Variants in RARB observed in about 807,000 individuals in gnomAD.
RARB encodes HBV-activated protein.
Under a neutral mutation model 51.9 loss-of-function variants are expected in RARB, and 17 were observed. The ratio of observed to expected loss-of-function variants is 0.33; its 90% CI spans 0.22 to 0.49. RARB has a LOEUF of 0.49. RARB is among the 20% of genes least tolerant of loss of function. RARB has a pLI of 0.99. For missense variants in RARB, 369 were observed against 550.8 expected, an observed-to-expected ratio of 0.67 and a Z score of 3.30; for synonymous variants, 215 against 195.4, an observed-to-expected ratio of 1.10 and a Z score of -0.84.
chr3:25,176,738 G>A (rs1034731685), intron 5 of RARB, among the ~76,000 whole-genome samples: 2 of 152,006 alleles, frequency 1.3e-5, no homozygotes, highest in African/African-American at 2.4e-5. Flanking sequence ...ATATTAAATG[G>A]AAAAATGGTT....
At chr3:24,914,517 TAAA>T (rs1288370220) in intron 2 of RARB, among the ~76,000 whole-genome samples, 1 of 152,152 alleles carries the variant, frequency 6.6e-6, no homozygotes, top group Non-Finnish European at 1.5e-5. Flanking sequence ...TCAGTATCCA[TAAA>T]GGACTGGTTC....
chr3:25,072,157 C>T (rs1034252673), intron 3 of RARB, among the ~76,000 whole-genome samples: 2 of 152,216 alleles, frequency 1.3e-5, no homozygotes, highest in Non-Finnish European at 2.9e-5. Context: ...TGCCTCAGTC[C>T]TCTCATTGCC....
At chr3:24,885,026 A>G (rs1193162551) in intron 2 of RARB, among the ~76,000 whole-genome samples, 1 of 152,164 alleles carries the variant, frequency 6.6e-6, no homozygotes, top group East Asian at 1.9e-4. Flanking sequence ...GAATATTAGA[A>G]GGACCTTGAC....
At chr3:25,036,752 G>A (rs906887922) in intron 2 of RARB, among the ~76,000 whole-genome samples, 28 of 152,068 alleles carry the variant, frequency 1.8e-4, no homozygotes, top group African/African-American at 6.5e-4. Flanking sequence ...ATGTCGAAAA[G>A]GCATCACTAC....
At chr3:25,060,598 A>G (rs1698528821) in intron 3 of RARB, among the ~76,000 whole-genome samples, 1 of 151,910 alleles carries the variant, frequency 6.6e-6, no homozygotes, top group Admixed American at 6.6e-5. Flanking sequence ...ATTTATAAAA[A>G]CAGGCAACAT....
chr3:25,310,698 T>A (rs1704267631), intron 5 of RARB, among the ~76,000 whole-genome samples: 1 of 152,180 alleles, frequency 6.6e-6, no homozygotes, highest in Non-Finnish European at 1.5e-5. Context: ...TTGTCTGGGC[T>A]ACCATTTTCT....
intron 2 of RARB, among the ~76,000 whole-genome samples, chr3:24,949,664 G>C (rs761372946): frequency 5.9e-5 from 9 of 152,150 alleles, no homozygotes; most frequent in Non-Finnish European, 1.0e-4. Flanking sequence ...ATTACTTCTT[G>C]AATCCTTCAA....
intron 3 of RARB, among the ~76,000 whole-genome samples, chr3:25,553,949 T>C (rs1699944662): frequency 6.6e-6 from 1 of 152,004 alleles, no homozygotes; most frequent in South Asian, 2.1e-4. Context: ...CTGGCTGACT[T>C]CCCACTCCCC....
intron 5 of RARB, among the ~76,000 whole-genome samples, chr3:25,248,930 T>C (rs1339539312): frequency 6.6e-6 from 1 of 152,168 alleles, no homozygotes; most frequent in African/African-American, 2.4e-5. Context: ...TTTTTAATTA[T>C]ATCTTTTTGA....
At chr3:25,315,308 G>T (rs192955257) in intron 5 of RARB, among the ~76,000 whole-genome samples, 13 of 152,160 alleles carry the variant, frequency 8.5e-5, no homozygotes, top group Non-Finnish European at 1.8e-4. Context: ...TACTTGAGAA[G>T]TATAATGCAG....
chr3:25,367,460 A>G (rs963648123), intron 5 of RARB, among the ~76,000 whole-genome samples: 2 of 152,096 alleles, frequency 1.3e-5, no homozygotes, highest in African/African-American at 2.4e-5. Context: ...TTAGGGTCCA[A>G]GCATATAGCA....
chr3:25,283,417 C>G (rs918002019), intron 5 of RARB, among the ~76,000 whole-genome samples: 4 of 152,198 alleles, frequency 2.6e-5, no homozygotes, highest in Non-Finnish European at 5.9e-5. Flanking sequence ...AAATGACTTC[C>G]TTCTCTATCT....
intron 5 of RARB, among the ~76,000 whole-genome samples, chr3:25,293,420 G>A (rs1425857066): frequency 6.6e-6 from 1 of 151,750 alleles, no homozygotes; most frequent in African/African-American, 2.4e-5. Context: ...GCCCTCAAAC[G>A]TTCATTGTTA....
At chr3:25,272,178 T>C (rs1415031963) in intron 5 of RARB, among the ~76,000 whole-genome samples, 1 of 152,230 alleles carries the variant, frequency 6.6e-6, no homozygotes, top group African/African-American at 2.4e-5. Context: ...GTTACACCTT[T>C]AAAAACTGAA....
At chr3:24,984,285 C>G (rs1001573799) in intron 2 of RARB, among the ~76,000 whole-genome samples, 3 of 152,150 alleles carry the variant, frequency 2.0e-5, no homozygotes, top group Non-Finnish European at 4.4e-5. Context: ...GCACATAAAA[C>G]TATATTAGAT....
At chr3:25,397,462 T>G (rs1258560778) in intron 5 of RARB, among the ~76,000 whole-genome samples, 1 of 152,218 alleles carries the variant, frequency 6.6e-6, no homozygotes, top group Non-Finnish European at 1.5e-5. Context: ...TCTGGTATGT[T>G]TCTGCAGTAG....
chr3:25,097,229 C>T (rs572224243), intron 3 of RARB, among the ~76,000 whole-genome samples: 4 of 152,206 alleles, frequency 2.6e-5, no homozygotes, highest in Admixed American at 6.5e-5. Context: ...TGCACTGGAC[C>T]GCTTCTTGGA....
rs187917510 is a variant in RARB at position 25,373,722 on chromosome 3, G to A, written c.179-87471G>A. Among the ~76,000 whole-genome samples the A allele has an allele frequency of 2.2e-3, 341 of 152,168 alleles. 2 individuals are homozygous for A. Among genetic ancestry groups the A allele is most frequent in the Non-Finnish European group, 3.2e-3 (218 of 67,984 alleles). ...AAACTCCCCTCTACTACCATGGCGGGGAATGGACCACAGAACCTCTCACAC... is the reference window on the plus strand; with the variant it reads ...AAACTCCCCTCTACTACCATGGCGGAGAATGGACCACAGAACCTCTCACAC... On this transcript the variant is annotated intron_variant, in intron 5 of 11. Transcript: ENST00000383772.
intron 5 of RARB, among the ~76,000 whole-genome samples, chr3:25,400,747 G>T (rs1213445885): frequency 6.6e-6 from 1 of 152,108 alleles, no homozygotes. Context: ...ATAGTTTTCA[G>T]CCTCTAGGAT....
Sources: allele counts gnomAD v4.1 joint callset (sites outside exome capture counted in the v4.1 genomes callset), GRCh38; gene constraint gnomAD v4.1.1; transcripts MANE v1.5; gene names NCBI Gene and HGNC (gene_info 2026-07-23, HGNC 2026-07-21).